Variants in SRD5A2 observed in about 807,000 individuals in gnomAD.
SRD5A2 encodes 3-oxo-5-alpha-steroid 4-dehydrogenase 2.
Under a neutral mutation model 27.4 loss-of-function variants are expected in SRD5A2, and 30 were observed. The ratio of observed to expected loss-of-function variants is 1.10; its 90% CI spans 0.82 to 1.49. The LOEUF (loss-of-function observed/expected upper bound fraction) is 1.49. Among genes scored for constraint, SRD5A2 ranks in the 40% most tolerant of loss-of-function variants. SRD5A2 has a pLI of 0.00. For synonymous variants in SRD5A2, 141 were observed against 133.6 expected, an observed-to-expected ratio of 1.06 and a Z score of -0.38; for missense variants, 348 against 323.4, an observed-to-expected ratio of 1.08 and a Z score of -0.58.
At chr2:31,537,647 C>G (rs1006109928) in intron 1 of SRD5A2, among the ~76,000 whole-genome samples, 2 of 152,122 alleles carry the variant, frequency 1.3e-5, no homozygotes, top group Non-Finnish European at 2.9e-5. Context: ...TCTTTTTCTT[C>G]TTTATTTACA....
At chr2:31,638,762 T>C in the SRD5A2 span, among the ~76,000 whole-genome samples, 1 of 151,882 alleles carries the variant, frequency 6.6e-6, no homozygotes, top group South Asian at 2.1e-4. Flanking sequence ...TCAAGTTGCA[T>C]AAAATATTTT....
the SRD5A2 span, among the ~76,000 whole-genome samples, chr2:31,632,339 C>T: frequency 1.4e-4 from 21 of 152,294 alleles, no homozygotes; most frequent in Admixed American, 2.6e-4. Context: ...GGGATTGCTT[C>T]CAGTGCAGTC....
In SRD5A2 at chr2:31,531,367, T is replaced by C; in HGVS notation, c.547+4A>G. Reference sequence around the variant, plus strand: ...TGAGAGTCTGGGGGCAGGGGAGACATTACCTTGTGGAATCCTGTAGCTGAT... The same window carrying C: ...TGAGAGTCTGGGGGCAGGGGAGACACTACCTTGTGGAATCCTGTAGCTGAT... On this transcript the variant is annotated splice_donor_region_variant and intron_variant, in intron 3 of 4. Transcript: ENST00000622030. 6.4e-7 allele frequency: 1 copy of C among 1,570,250 alleles called. No individual in the cohort carries two copies. The highest frequency in any genetic ancestry group is 8.7e-7 in the Non-Finnish European group (1 of 1,155,148).
At chr2:31,532,361 TCACACACACACACA>T (rs35752905) in intron 2 of SRD5A2, among the ~76,000 whole-genome samples, 3 of 143,702 alleles carry the variant, frequency 2.1e-5, no homozygotes, top group Non-Finnish European at 3.1e-5. Flanking sequence ...CACTGCCAGT[TCACACACACACACA>T]CACACACACA....
intron 1 of SRD5A2, among the ~76,000 whole-genome samples, chr2:31,538,422 C>A (rs943066661): frequency 1.3e-5 from 2 of 152,128 alleles, no homozygotes; most frequent in African/African-American, 2.4e-5. Context: ...CTCCATTATT[C>A]CATCTGAGTT....
chr2:31,602,031 C>T, the SRD5A2 span, among the ~76,000 whole-genome samples: 28 of 152,116 alleles, frequency 1.8e-4, no homozygotes, highest in Non-Finnish European at 4.0e-4. Flanking sequence ...CACTCCTATT[C>T]AACATAGTAT....
chr2:31,562,024 C>A lies in SRD5A2; in HGVS notation c.281+18596G>T, dbSNP rs1184990130. 2.0e-5 allele frequency among the ~76,000 whole-genome samples: 3 copies of A among 152,126 alleles called. No homozygotes were observed. In the East Asian group the frequency reaches 5.8e-4, roughly 29 times the overall value. On this transcript the variant is annotated intron_variant, in intron 1 of 4. Coordinates refer to ENST00000622030, the MANE Select transcript of SRD5A2 (RefSeq NM_000348.4). Reference sequence around the variant, plus strand: ...AATATTGACATGGGATGGTTTTCAGCTTGAAGTAAAAAGCTCAGCAAGCCT... The same window carrying A: ...AATATTGACATGGGATGGTTTTCAGATTGAAGTAAAAAGCTCAGCAAGCCT...
At chr2:31,580,349 C>G (rs1667045738) in intron 1 of SRD5A2, among the ~76,000 whole-genome samples, 1 of 152,242 alleles carries the variant, frequency 6.6e-6, no homozygotes, top group Admixed American at 6.5e-5. Flanking sequence ...CTCTTTCTCT[C>G]GAGCAGCCAG....
the SRD5A2 span, among the ~76,000 whole-genome samples, chr2:31,598,497 AAAC>A: frequency 6.6e-6 from 1 of 151,968 alleles, no homozygotes; most frequent in East Asian, 1.9e-4. Context: ...AATAAGATAA[AAAC>A]AAAAAAAAAG....
chr2:31,637,449 C>T, the SRD5A2 span, among the ~76,000 whole-genome samples: 3 of 152,040 alleles, frequency 2.0e-5, no homozygotes, highest in South Asian at 6.2e-4. Flanking sequence ...AAGACATTCC[C>T]ACCAGCAACA....
At chr2:31,647,059 C>A in the SRD5A2 span, among the ~76,000 whole-genome samples, 6 of 152,106 alleles carry the variant, frequency 3.9e-5, no homozygotes, top group African/African-American at 1.4e-4. Context: ...GCAGGAGAAT[C>A]TCTTGAATCT....
chr2:31,523,435 G>T lies in SRD5A2; in HGVS notation c.*2761C>A, dbSNP rs989376980. On this transcript the variant is annotated 3_prime_UTR_variant, in exon 5 of 5. Coordinates refer to ENST00000622030, the MANE Select transcript of SRD5A2 (RefSeq NM_000348.4). The stretch of plus-strand genomic sequence containing the variant: ...CATCTGACCCTCAAAGGGACAAAAT[G>T]AGATGGCTGCTCTGACCAGCTCTGT... The T allele has an allele frequency of 4.6e-6, 1 of 219,684 alleles. No individual in the cohort carries two copies. The highest frequency in any genetic ancestry group is 5.8e-5 in the Admixed American group (1 of 17,316). The allele number at this position is 219,684 out of a possible 1,614,324, so 13.6% of individuals were successfully genotyped here.
At chr2:31,640,301 T>C in the SRD5A2 span, among the ~76,000 whole-genome samples, 19 of 152,184 alleles carry the variant, frequency 1.2e-4, no homozygotes, top group African/African-American at 2.4e-5. Context: ...TTTTGAACTC[T>C]TGTTCAGAGA....
At chr2:31,557,329 T>C (rs577261457) in intron 1 of SRD5A2, among the ~76,000 whole-genome samples, 337 of 152,340 alleles carry the variant, frequency 2.2e-3, no homozygotes, top group African/African-American at 6.1e-3. Context: ...TAAAAGCCAA[T>C]GACATAATGA....
chr2:31,641,740 G>A, the SRD5A2 span, among the ~76,000 whole-genome samples: 1 of 152,000 alleles, frequency 6.6e-6, no homozygotes, highest in African/African-American at 2.4e-5. Flanking sequence ...AATGAACACA[G>A]AAAAAGTTTG....
the SRD5A2 span, among the ~76,000 whole-genome samples, chr2:31,623,795 AAG>A: frequency 6.6e-6 from 1 of 151,958 alleles, no homozygotes; most frequent in Admixed American, 6.6e-5. Context: ...CTAGTTTAGT[AAG>A]AGTTTTTAAC....
intron 1 of SRD5A2, among the ~76,000 whole-genome samples, chr2:31,534,849 T>C (rs1665992765): frequency 6.6e-6 from 1 of 152,190 alleles, no homozygotes; most frequent in Non-Finnish European, 1.5e-5. Flanking sequence ...CTGGGCTTCA[T>C]GTCAGGGATG....
chr2:31,533,252 A>T (rs956768234), intron 2 of SRD5A2, among the ~76,000 whole-genome samples: 1 of 152,164 alleles, frequency 6.6e-6, no homozygotes, highest in Non-Finnish European at 1.5e-5. Flanking sequence ...GTGGCACAGC[A>T]GGAAGGCCAC....
chr2:31,596,074 C>T, the SRD5A2 span, among the ~76,000 whole-genome samples: 3 of 152,120 alleles, frequency 2.0e-5, no homozygotes, highest in Non-Finnish European at 2.9e-5. Context: ...AAAAGCCATA[C>T]ATGAAAACCC....
Sources: gnomAD v4.1 joint callset for allele counts (sites outside exome capture counted in the v4.1 genomes callset) on GRCh38, gnomAD v4.1.1 for gene constraint, MANE v1.5 for transcripts, NCBI Gene and HGNC (gene_info 2026-07-23, HGNC 2026-07-21) for gene names.